Variants in C4orf51 observed in about 807,000 individuals in gnomAD.
C4orf51 encodes the protein uncharacterized protein C4orf51.
C4orf51 carries 25 observed loss-of-function variants against 25.2 expected under a neutral mutation model. The observed-to-expected ratio is 0.99, with a 90% CI of 0.72 to 1.39. C4orf51 has a LOEUF of 1.39. Among genes scored for constraint, C4orf51 ranks in the 40% most tolerant of loss-of-function variants. The pLI is 0.00. For missense variants in C4orf51, 252 were observed against 239.6 expected, an observed-to-expected ratio of 1.05 and a Z score of -0.34; for synonymous variants, 100 against 84.5, an observed-to-expected ratio of 1.18 and a Z score of -1.01.
At chr4:145,774,633 C>T (rs1560903754), downstream of C4orf51, 1 of 1,613,914 alleles carries the variant, frequency 6.2e-7, no homozygotes, top group Non-Finnish European at 8.5e-7. Context: ...GGCTGACAAA[C>T]TGGACATTGA....
rs1185424556 is a variant in C4orf51, at chr4:145,694,251, C to T, written c.234-2308C>T. On this transcript the variant is annotated intron_variant, in intron 1 of 5. Transcript: ENST00000438731. ...GCTCCTCACTTCCTAGATGGGATGG[C>T]GGCCAGGCGGAGACGCTCCTCACTT... Among the ~76,000 whole-genome samples the T allele has an allele frequency of 2.0e-4, 28 of 140,720 alleles. 1 individual carries two copies. Among genetic ancestry groups the T allele is most frequent in the African/African-American group, 7.0e-4 (26 of 37,302 alleles). 92.3% of individuals were successfully genotyped at this position (140,720 alleles called of 152,430 possible). A position where few individuals can be genotyped will look rare whatever the true frequency, so the allele number is the denominator to read the frequency against.
intron 2 of C4orf51, among the ~76,000 whole-genome samples, chr4:145,698,358 C>G (rs933001086): frequency 6.6e-6 from 1 of 152,142 alleles, no homozygotes; most frequent in East Asian, 1.9e-4. Flanking sequence ...CATGAGACAT[C>G]AATCAATACA....
intron 1 of C4orf51, among the ~76,000 whole-genome samples, chr4:145,742,512 G>A (rs1320365173): frequency 1.3e-5 from 2 of 148,904 alleles, no homozygotes; most frequent in African/African-American, 5.0e-5. Context: ...TTTTCTACAC[G>A]ACAGCATTTT....
intron 1 of C4orf51, chr4:145,760,720 GTTTT>G (rs10715391): frequency 8.0e-4 from 565 of 704,300 alleles, no homozygotes; most frequent in South Asian, 8.8e-4. Context: ...AAGTTTTGTG[GTTTT>G]TTTTTTTTTT....
downstream of C4orf51, among the ~76,000 whole-genome samples, chr4:145,737,414 C>T (rs1331463255): frequency 6.6e-6 from 1 of 152,194 alleles, no homozygotes; most frequent in African/African-American, 2.4e-5. Flanking sequence ...TTCTCCCCAA[C>T]CTTTGAAAAA....
intron 2 of C4orf51, among the ~76,000 whole-genome samples, chr4:145,724,847 C>T (rs1246591529): frequency 1.5e-5 from 2 of 133,778 alleles, no homozygotes; most frequent in African/African-American, 2.9e-5. Context: ...TCATGCACTG[C>T]ACTCCAGCCT....
downstream of C4orf51, among the ~76,000 whole-genome samples, chr4:145,771,614 G>A (rs565299921): frequency 6.6e-6 from 1 of 152,352 alleles, no homozygotes; most frequent in South Asian, 2.1e-4. Context: ...GAGAAAGAAG[G>A]TGAGGAGGGA....
rs774607384 is a variant in C4orf51, at chr4:145,732,646, C to T, written c.*86C>T. 2.5e-6 allele frequency: 2 copies of T among 812,124 alleles called. No individual in the cohort carries two copies. The highest frequency in any genetic ancestry group is 3.9e-6 in the Non-Finnish European group (2 of 508,054). 50.3% of individuals were successfully genotyped at this position (812,124 alleles called of 1,614,324 possible). On this transcript the variant is annotated 3_prime_UTR_variant, in exon 6 of 6. Transcript: ENST00000438731. ...TATGGGGCCCTCCCAACACCCTCCC[C>T]CCACCCGCCCCGCCCAGGAACGTCT...
intron 1 of C4orf51, among the ~76,000 whole-genome samples, chr4:145,751,996 A>G (rs1219598078): frequency 6.6e-6 from 1 of 152,134 alleles, no homozygotes; most frequent in Admixed American, 6.5e-5. Flanking sequence ...AGGGCTCTTC[A>G]GTCAGCTTGT....
At position 145,765,219 on chromosome 4, in the gene C4orf51, G is replaced by T. The variant is rs1488889467; in HGVS notation, n.167-5769G>T. ...TGCACAGGGCAGCGGGGAGAGGAGG[G>T]CAGGAGTGGAGCCAAGCTCCTCCCC... On this transcript the variant is annotated intron_variant and non_coding_transcript_variant, in intron 1 of 1. Coordinates refer to the C4orf51 transcript ENST00000510096. The surrounding 1 kb of genome is among the most constrained non-coding windows in gnomAD (Gnocchi z 4.7). 2 of 1,515,814 alleles carry T rather than the reference G, an allele frequency of 1.3e-6. No homozygotes were observed. Among genetic ancestry groups the T allele is most frequent in the Non-Finnish European group, 1.8e-6 (2 of 1,127,440 alleles). The allele number at this position is 1,515,814 out of a possible 1,614,324, so 93.9% of individuals were successfully genotyped here.
intron 2 of C4orf51, among the ~76,000 whole-genome samples, chr4:145,700,005 C>T (rs1730322601): frequency 6.6e-6 from 1 of 151,742 alleles, no homozygotes. Context: ...GGGGCAAGAA[C>T]CCCCAATCCC....
At chr4:145,742,974 C>T (rs1054835936) in intron 1 of C4orf51, among the ~76,000 whole-genome samples, 1 of 152,250 alleles carries the variant, frequency 6.6e-6, no homozygotes, top group South Asian at 2.1e-4. Context: ...AAACAGAGCT[C>T]TTTGATGGAT....
intron 1 of C4orf51, among the ~76,000 whole-genome samples, chr4:145,747,791 CTCCTTCCT>C (rs1479078337): frequency 6.7e-5 from 10 of 148,826 alleles, no homozygotes; most frequent in African/African-American, 2.5e-4. Context: ...GCTTCCTTCC[CTCCTTCCT>C]TCCTTGCCAC....
Position 145,762,945 on chromosome 4 carries a change from C to G in C4orf51, n.167-8043C>G, listed in dbSNP as rs1321850830. 2.7e-6 allele frequency: 2 copies of G among 735,360 alleles called. No individual in the cohort carries two copies. Among genetic ancestry groups the G allele is most frequent in the Non-Finnish European group, 4.4e-6 (2 of 455,414 alleles). The allele number at this position is 735,360 out of a possible 1,614,324, so 45.6% of individuals were successfully genotyped here. The stretch of plus-strand genomic sequence containing the variant: ...GGTGTTCAGCAGAGCCCAACACAAC[C>G]AAGTGCACCGTGCACGGCCTCCTCA... On this transcript the variant is annotated intron_variant and non_coding_transcript_variant, in intron 1 of 1. Coordinates refer to the C4orf51 transcript ENST00000510096. This position sits in a 1 kb window ranked among gnomAD's most constrained non-coding sequence, Gnocchi z 4.9.
intron 2 of C4orf51, among the ~76,000 whole-genome samples, chr4:145,704,215 G>T (rs1229776532): frequency 6.6e-6 from 1 of 152,152 alleles, no homozygotes; most frequent in Non-Finnish European, 1.5e-5. Context: ...TTTTAAAGGT[G>T]TCAGTTCATC....
chr4:145,772,899 T>A (rs1185469041), downstream of C4orf51, among the ~76,000 whole-genome samples: 1 of 152,234 alleles, frequency 6.6e-6, no homozygotes, highest in African/African-American at 2.4e-5. Context: ...TTACGAGGTA[T>A]GTGTTTGCAC....
chr4:145,755,947 C>G (rs1226618997), downstream of C4orf51, among the ~76,000 whole-genome samples: 1 of 152,204 alleles, frequency 6.6e-6, no homozygotes, highest in Admixed American at 6.5e-5. Context: ...GTTCTATATT[C>G]TCTGTCTTCT....
intron 2 of C4orf51, among the ~76,000 whole-genome samples, chr4:145,697,062 C>CAAA (rs1560827843): frequency 1.1e-4 from 17 of 150,178 alleles, no homozygotes; most frequent in African/African-American, 3.7e-4. Context: ...AACCAACCAA[C>CAAA]CAAACAAACA....
chr4:145,714,858 T>C (rs991918025), intron 2 of C4orf51, among the ~76,000 whole-genome samples: 3 of 152,182 alleles, frequency 2.0e-5, no homozygotes, highest in Non-Finnish European at 4.4e-5. Flanking sequence ...CTCAGGCCTT[T>C]TCTATGGATG....
Sources: gnomAD v4.1 joint callset for allele counts (sites outside exome capture counted in the v4.1 genomes callset) on GRCh38, gnomAD v4.1.1 for gene constraint, Gnocchi (gnomAD v3.1) non-coding constraint, MANE v1.5 for transcripts, NCBI Gene and HGNC (gene_info 2026-07-23, HGNC 2026-07-21) for gene names.